The following MEIS3 variants were observed in gnomAD, a reference collection of about 807,000 sequenced individuals.
The protein encoded by MEIS3 is Meis homeobox 3.
MEIS3 carries 38 observed loss-of-function variants against 51.4 expected under a neutral mutation model. The ratio of observed to expected loss-of-function variants is 0.74; its 90% CI spans 0.57 to 0.97. MEIS3 has a LOEUF of 0.97. MEIS3 is among the 50% of genes least tolerant of loss of function. The pLI is 0.00. For missense variants in MEIS3, 456 were observed against 502.6 expected, an observed-to-expected ratio of 0.91 and a Z score of 0.89; for synonymous variants, 198 against 201.8, an observed-to-expected ratio of 0.98 and a Z score of 0.16.
chr19:47,420,809 G>C (rs1467196689), upstream of MEIS3, among the ~76,000 whole-genome samples: 1 of 151,346 alleles, frequency 6.6e-6, no homozygotes, highest in Admixed American at 6.6e-5. Context: ...AGGGAGCAGG[G>C]GGGAGGCTCC....
chr19:47,421,752 T>C (rs2122593087), upstream of MEIS3, among the ~76,000 whole-genome samples: 1 of 151,918 alleles, frequency 6.6e-6, no homozygotes, highest in African/African-American at 2.4e-5. Flanking sequence ...CTGGCTTTTT[T>C]TTTTTTTCTT....
At chr19:47,412,174 A>C (rs1211309585) in intron 6 of MEIS3, 1 of 151,924 alleles carries the variant, frequency 6.6e-6, no homozygotes, top group African/African-American at 2.4e-5. Context: ...ACTTTGAGGA[A>C]CTCAACAATC....
Position 47,409,398 on chromosome 19 carries a change from G to C in MEIS3, c.709+38C>G, listed in dbSNP as rs1005785936. 3 of 1,585,538 alleles carry C rather than the reference G, an allele frequency of 1.9e-6. No homozygotes were observed. The Admixed American group carries it at 5.0e-5, about 27-fold the overall frequency. ...GCGATCTAACTTCAATCCTCTGGTT[G>C]ACTCCCATGTTTCCCTTCCACCTCC... On this transcript the variant is annotated intron_variant, in intron 7 of 12. Coordinates refer to ENST00000558555, the MANE Select transcript of MEIS3 (RefSeq NM_001301059.2).
At chr19:47,421,701 CTGTCTGTCTGTCACCTGGGCTG>C (rs534276717), upstream of MEIS3, among the ~76,000 whole-genome samples, 237 of 151,112 alleles carry the variant, frequency 1.6e-3, no homozygotes, top group African/African-American at 5.3e-3. Flanking sequence ...TGGGCTATGT[CTGTCTGTCTGTCACCTGGGCTG>C]TGTCTGTCTG....
chr19:47,413,408 A>AG (rs1321925437), intron 6 of MEIS3, among the ~76,000 whole-genome samples: 7 of 152,066 alleles, frequency 4.6e-5, no homozygotes, highest in Non-Finnish European at 8.8e-5. Flanking sequence ...AAAAAAAAAA[A>AG]AAAATGTCTC....
rs1396826011 is a variant in MEIS3 at position 47,414,845 on chromosome 19, A to C, written c.469T>G (p.Phe157Val). Residue 157 changes from phenylalanine (F) to valine (V), a missense_variant, in exon 6 of 13, where the codon TTC (phenylalanine) becomes GTC (valine). By Grantham distance (50) the Phe-to-Val change is conservative (BLOSUM62 -1). Coordinates refer to ENST00000558555, the MANE Select transcript of MEIS3 (RefSeq NM_001301059.2). ...AGGCAGGTGATGTAGCGGTGACAGAAGTTGTCGCACAGGTCGTGGACCTGG... is the reference window on the plus strand; with the variant it reads ...AGGCAGGTGATGTAGCGGTGACAGACGTTGTCGCACAGGTCGTGGACCTGG... ...LEKVHDLCDNFCHRYITCLKG... is the reference protein window; with the variant it reads ...LEKVHDLCDNVCHRYITCLKG... 2 of 1,503,722 alleles carry C rather than the reference A, an allele frequency of 1.3e-6. No homozygotes were observed. Among genetic ancestry groups the C allele is most frequent in the Middle Eastern group, 1.8e-4 (1 of 5,502 alleles). The allele number at this position is 1,503,722 out of a possible 1,614,324, so 93.1% of individuals were successfully genotyped here. A position where few individuals can be genotyped will look rare whatever the true frequency, so the allele number is the denominator to read the frequency against.
chr19:47,419,039 C>T (rs116992905), intron 1 of MEIS3, 31 bp downstream of exon 1: 21,198 of 1,239,878 alleles, frequency 0.017, 289 homozygotes, highest in Admixed American at 0.056. Context: ...CGGAAGCGGC[C>T]GGGACGCGGG....
chr19:47,416,514 G>T, intron 4 of MEIS3, 138 bp downstream of exon 4: 1 of 720,934 alleles, frequency 1.4e-6, no homozygotes, highest in Non-Finnish European at 2.3e-6. Context: ...CACACGGCAC[G>T]TGGGCAACAA....
rs376008844 is a variant in MEIS3, at chr19:47,417,262, G to A, written c.101C>T (p.Pro34Leu). 1 of 1,612,016 alleles carries A rather than the reference G, an allele frequency of 6.2e-7. No homozygotes were observed. The highest frequency in any genetic ancestry group is 2.2e-5 in the East Asian group (1 of 44,876). ...CTGGGGAGGCCGGTGCGGGCCATAGGGCCCTGGTACTGCGGGCACTGTCTC... is the reference window on the plus strand; with the variant it reads ...CTGGGGAGGCCGGTGCGGGCCATAGAGCCCTGGTACTGCGGGCACTGTCTC... Reference protein sequence around the residue: ...FPETVPAVPGPYGPHRPPQPL... With the variant: ...FPETVPAVPGLYGPHRPPQPL... The change falls in exon 2 of 13, where the codon CCC becomes CTC. Residue 34 changes from proline to leucine, a missense_variant. By Grantham distance (98) the Pro-to-Leu change is moderately conservative. Coordinates refer to ENST00000558555, the MANE Select transcript of MEIS3 (RefSeq NM_001301059.2).
At chr19:47,404,893 C>T (rs1970745501) in intron 12 of MEIS3, among the ~76,000 whole-genome samples, 1 of 152,250 alleles carries the variant, frequency 6.6e-6, no homozygotes. Context: ...GTCATGGTCA[C>T]TGTTGTGTCC....
At position 47,416,898 on chromosome 19, in the gene MEIS3, C is replaced by G. The variant is rs150969429; in HGVS notation, c.251G>C (p.Arg84Pro). The G allele has an allele frequency of 4.3e-6, 7 of 1,613,408 alleles. No individual in the cohort carries two copies. In the East Asian group the frequency reaches 6.7e-5, roughly 15 times the overall value. The change falls in exon 3 of 13, where the codon CGT becomes CCT. Residue 84 changes from arginine (R) to proline (P), a missense_variant. Physicochemically the swap from Arg to Pro is moderately radical, Grantham distance 103. Transcript: ENST00000558555. ...CCCCAGCCCAGCTCCGGCCCCGTCA[C>G]GGGGAGAGCATGTAGCCAGTTCACA... Reference protein sequence around the residue: ...EKCELATCSPRDGAGAGLGTP... With the variant: ...EKCELATCSPPDGAGAGLGTP...
chr19:47,420,954 T>A (rs1296472245), upstream of MEIS3, among the ~76,000 whole-genome samples: 81 of 136,708 alleles, frequency 5.9e-4, no homozygotes, highest in African/African-American at 1.4e-3. Context: ...TCTCTCTCTC[T>A]CTCTCTCTCT....
chr19:47,421,023 G>T (rs1289685057), upstream of MEIS3, among the ~76,000 whole-genome samples: 1 of 150,576 alleles, frequency 6.6e-6, no homozygotes, highest in Admixed American at 6.6e-5. Context: ...GTTCCCAGGG[G>T]GAGGGAGCAG....
chr19:47,407,426 G>T lies in MEIS3; in HGVS notation c.861C>A (p.His287Gln). ...MRAWLFQHLSHPYPSEEQKKQ... is the reference protein window; with the variant it reads ...MRAWLFQHLSQPYPSEEQKKQ... The stretch of plus-strand genomic sequence containing the variant: ...TCTTCTGCTCCTCCGAGGGGTACGG[G>T]TGCTGCAGCCACCAGCAAGAGTCAC... Residue 287 changes from histidine (H) to glutamine (Q), a missense_variant and splice_region_variant, in exon 9 of 13, where the codon CAC becomes CAA. Transcript: ENST00000558555. The T allele has an allele frequency of 6.2e-7, 1 of 1,613,854 alleles. No homozygotes were observed.
Position 47,419,278 on chromosome 19 carries a change from G to GCCCCCGC in MEIS3, c.-204_-198dup, listed in dbSNP as rs1460179749. 1 of 265,364 alleles carries GCCCCCGC rather than the reference G, an allele frequency of 3.8e-6. No individual in the cohort carries two copies. The highest frequency in any genetic ancestry group is 7.0e-6 in the Non-Finnish European group (1 of 143,238). The allele number at this position is 265,364 out of a possible 1,614,324, so 16.4% of individuals were successfully genotyped here. ...GTGGGGACTCCGCGCATGGACCCCG[G>GCCCCCGC]CCCCCGCCCCCAGCGGGGGTCACGG... On this transcript the variant is annotated 5_prime_UTR_variant, in exon 1 of 13. Transcript: ENST00000558555.
At chr19:47,421,185 A>T (rs1971706108), upstream of MEIS3, among the ~76,000 whole-genome samples, 1 of 151,952 alleles carries the variant, frequency 6.6e-6, no homozygotes, top group African/African-American at 2.4e-5. Flanking sequence ...GTGGCATCAG[A>T]GTGACCCCAG....
chr19:47,415,281 A>G (rs1364615326), intron 4 of MEIS3, among the ~76,000 whole-genome samples, 180 bp from the exon 5 acceptor site: 2 of 152,086 alleles, frequency 1.3e-5, no homozygotes, highest in African/African-American at 4.8e-5. Flanking sequence ...GCAAGGGGGA[A>G]AGAGAGAACA....
intron 7 of MEIS3, 64 bp from the exon 8 acceptor site, chr19:47,409,311 A>C: frequency 1.3e-6 from 2 of 1,585,192 alleles, no homozygotes; most frequent in Non-Finnish European, 1.7e-6. Context: ...AGGGCCCCAG[A>C]ACTCTCCCCC....
Position 47,409,423 on chromosome 19 carries a change from C to T in MEIS3, c.709+13G>A. 6.2e-7 allele frequency: 1 copy of T among 1,609,092 alleles called. No homozygotes were observed. The highest frequency in any genetic ancestry group is 8.5e-7 in the Non-Finnish European group (1 of 1,175,570). ...GACTCCCATGTTTCCCTTCCACCTC[C>T]CAAGATTCTCACCTTGGTCACTGGA... is the stretch of plus-strand genomic sequence containing the variant. On this transcript the variant is annotated intron_variant, in intron 7 of 12. Coordinates refer to ENST00000558555, the MANE Select transcript of MEIS3 (RefSeq NM_001301059.2).
Sources: allele counts gnomAD v4.1 joint callset (sites outside exome capture counted in the v4.1 genomes callset), GRCh38; gene constraint gnomAD v4.1.1; transcripts MANE v1.5; gene names NCBI Gene and HGNC (gene_info 2026-07-23, HGNC 2026-07-21).